WDFY2: variants seen among roughly 807,000 people sequenced by gnomAD.
WDFY2 encodes the protein WD repeat and FYVE domain containing 2, also known as WD repeat and FYVE domain-containing protein 2.
A neutral mutation model predicts 56.4 loss-of-function variants in WDFY2; 36 were observed. The ratio of observed to expected loss-of-function variants is 0.64; its 90% confidence interval spans 0.49 to 0.84. WDFY2 has a LOEUF of 0.84. Among genes scored for constraint, WDFY2 ranks in the 40% least tolerant of loss-of-function variants. The probability of loss-of-function intolerance (pLI) is 0.00; values close to 1 mark genes in which losing one functional copy is unlikely to be tolerated. For missense variants in WDFY2, 444 were observed against 512.2 expected (o/e 0.87, Z 1.29); for synonymous variants, 176 against 183.7 (o/e 0.96, Z 0.34).
chr13:51,682,222 C>T (rs1289115234), intron 3 of WDFY2, among the ~76,000 whole-genome samples: 1 of 152,302 alleles, frequency 6.6e-6, no homozygotes, highest in African/African-American at 2.4e-5. Context: ...ATCAACACAG[C>T]ACATGTACAC....
intron 1 of WDFY2, among the ~76,000 whole-genome samples, chr13:51,606,019 G>C (rs141973832): frequency 2.6e-5 from 4 of 152,132 alleles, no homozygotes; most frequent in Non-Finnish European, 5.9e-5. Flanking sequence ...ATGGCAAAAG[G>C]CAGTGTTGGA....
intron 4 of WDFY2, among the ~76,000 whole-genome samples, chr13:51,708,704 A>C (rs1952143780): frequency 6.6e-6 from 1 of 152,184 alleles, no homozygotes; most frequent in East Asian, 1.9e-4. Context: ...AATGATCTAA[A>C]GGCAATTAAA....
chr13:51,643,646 A>G (rs1437525133), intron 1 of WDFY2, among the ~76,000 whole-genome samples: 1 of 152,180 alleles, frequency 6.6e-6, no homozygotes, highest in African/African-American at 2.4e-5. Flanking sequence ...GCTGTGTTGC[A>G]GATGGCATGG....
In WDFY2 at chr13:51,675,151, A is replaced by C. The variant is rs767976702; in HGVS notation, c.206-19A>C. ...AATCATGGTTTTGTTAATTTCATCAACATGTTCATTTCTTTCAGCTCCATG... is the reference window on the plus strand; with the variant it reads ...AATCATGGTTTTGTTAATTTCATCACCATGTTCATTTCTTTCAGCTCCATG... On this transcript the variant is annotated intron_variant, in intron 2 of 11. Coordinates refer to ENST00000298125, the MANE Select transcript of WDFY2 (RefSeq NM_052950.4). 9.3e-6 allele frequency: 15 copies of C among 1,613,000 alleles called. No individual in the cohort carries two copies. In the East Asian group the frequency reaches 3.3e-4, roughly 36 times the overall value.
intron 1 of WDFY2, among the ~76,000 whole-genome samples, chr13:51,634,771 A>C (rs1955014673): frequency 6.6e-6 from 1 of 152,064 alleles, no homozygotes; most frequent in Non-Finnish European, 1.5e-5. Flanking sequence ...TAGTAGAGCA[A>C]GGAGGACTTT....
intron 1 of WDFY2, among the ~76,000 whole-genome samples, chr13:51,613,206 C>A (rs1954538012): frequency 1.3e-5 from 2 of 151,414 alleles, no homozygotes; most frequent in African/African-American, 4.9e-5. Flanking sequence ...GAGACCCTGT[C>A]TCTAAAAAAT....
intron 1 of WDFY2, among the ~76,000 whole-genome samples, chr13:51,647,878 C>T (rs920209487): frequency 2.0e-5 from 3 of 151,688 alleles, no homozygotes; most frequent in African/African-American, 7.3e-5. Context: ...CATGTATACA[C>T]ACACACACGA....
intron 1 of WDFY2, among the ~76,000 whole-genome samples, chr13:51,612,050 A>G (rs1279153271): frequency 6.6e-6 from 1 of 152,128 alleles, no homozygotes; most frequent in Non-Finnish European, 1.5e-5. Context: ...TTACCAGACA[A>G]TACATTTTCC....
chr13:51,602,091 G>A (rs1954296430), intron 1 of WDFY2, among the ~76,000 whole-genome samples: 1 of 152,220 alleles, frequency 6.6e-6, no homozygotes, highest in Non-Finnish European at 1.5e-5. Context: ...CAGGGTCTTT[G>A]AGGAAGTACT....
In WDFY2 at chr13:51,713,492, G is replaced by A. The variant is rs569195362; in HGVS notation, c.335-5706G>A. Among the ~76,000 whole-genome samples the A allele has an allele frequency of 4.6e-5, 7 of 152,286 alleles. No individual in the cohort carries two copies. In the South Asian group the frequency reaches 1.4e-3, roughly 32 times the overall value. ...ATAAGTTTGGTGTATACATACAGTG[G>A]AATATTATTCAACCTTAAAAGGGTA... is the stretch of plus-strand genomic sequence containing the variant. On this transcript the variant is annotated intron_variant, in intron 4 of 11. Coordinates refer to ENST00000298125, the MANE Select transcript of WDFY2 (RefSeq NM_052950.4).
intron 4 of WDFY2, among the ~76,000 whole-genome samples, chr13:51,712,989 C>T (rs1952257739): frequency 6.6e-6 from 1 of 152,102 alleles, no homozygotes; most frequent in Non-Finnish European, 1.5e-5. Context: ...ATAGTTAAAA[C>T]CTTCCCACAA....
intron 5 of WDFY2, among the ~76,000 whole-genome samples, chr13:51,721,713 C>T (rs1952494799): frequency 6.6e-6 from 1 of 152,162 alleles, no homozygotes; most frequent in African/African-American, 2.4e-5. Flanking sequence ...AGAAGATTCC[C>T]TGACCTCTGC....
intron 2 of WDFY2, among the ~76,000 whole-genome samples, chr13:51,665,404 A>G (rs1490518634): frequency 6.6e-6 from 1 of 152,216 alleles, no homozygotes; most frequent in Non-Finnish European, 1.5e-5. Context: ...AAATGTGATT[A>G]TTTGTTCCAG....
Position 51,622,311 on chromosome 13 carries a change from A to G in WDFY2, c.137+37487A>G, listed in dbSNP as rs547198163. Among the ~76,000 whole-genome samples the G allele has an allele frequency of 4.9e-4, 75 of 151,872 alleles. 1 individual carries two copies. Among genetic ancestry groups the G allele is most frequent in the Non-Finnish European group, 9.3e-4 (63 of 67,920 alleles). ...CTTTTTTTTGAGTCCCTTCTCCTTT[A>G]GTTAATTTCTCTTTGTTTTTATTAT... On this transcript the variant is annotated intron_variant, in intron 1 of 11. Transcript: ENST00000298125.
chr13:51,689,269 G>A (rs891604747), intron 3 of WDFY2, among the ~76,000 whole-genome samples: 2 of 152,170 alleles, frequency 1.3e-5, no homozygotes, highest in African/African-American at 4.8e-5. Context: ...GAGAAAAGAT[G>A]ATGACAGGTA....
intron 1 of WDFY2, among the ~76,000 whole-genome samples, chr13:51,625,658 A>G (rs1392999440): frequency 6.6e-6 from 1 of 152,232 alleles, no homozygotes; most frequent in African/African-American, 2.4e-5. Flanking sequence ...GCAGTCATGT[A>G]TAGAATAAGT....
intron 5 of WDFY2, among the ~76,000 whole-genome samples, chr13:51,723,305 G>C (rs188852548): frequency 2.6e-5 from 4 of 152,264 alleles, no homozygotes; most frequent in African/African-American, 9.6e-5. Context: ...ATCACTCTTT[G>C]ATCTCCTTGA....
intron 7 of WDFY2, among the ~76,000 whole-genome samples, chr13:51,745,454 G>A (rs1393479095): frequency 6.6e-6 from 1 of 152,142 alleles, no homozygotes; most frequent in East Asian, 1.9e-4. Context: ...TCTCCCATGG[G>A]CAGGGTGGAG....
chr13:51,616,768 G>C (rs566967090), intron 1 of WDFY2, among the ~76,000 whole-genome samples: 16 of 152,322 alleles, frequency 1.1e-4, no homozygotes, highest in African/African-American at 3.6e-4. Flanking sequence ...TGCTTAGAAG[G>C]AGGAGAATCA....
Sources: gnomAD v4.1 joint callset for allele counts (sites outside exome capture counted in the v4.1 genomes callset) on GRCh38, gnomAD v4.1.1 for gene constraint, MANE v1.5 for transcripts, NCBI Gene and HGNC (gene_info 2026-07-23, HGNC 2026-07-21) for gene names.